Variants in CAPN9 observed in about 807,000 individuals in gnomAD.
The protein encoded by CAPN9 is calpain-9.
Under a neutral mutation model 92.8 loss-of-function variants are expected in CAPN9, and 81 were observed. The observed-to-expected ratio is 0.87, with a 90% CI of 0.73 to 1.05. The LOEUF (loss-of-function observed/expected upper bound fraction) is 1.05. CAPN9 is among the 50% of genes least tolerant of loss of function. CAPN9 has a pLI of 0.00. For missense variants in CAPN9, 848 were observed against 866.2 expected (o/e 0.98, Z 0.26); for synonymous variants, 304 against 328.0 (o/e 0.93, Z 0.79).
chr1:230,774,039 C>T (rs1409737872), intron 7 of CAPN9, among the ~76,000 whole-genome samples: 1 of 152,202 alleles, frequency 6.6e-6, no homozygotes, highest in African/African-American at 2.4e-5. Context: ...ACCTAGCTCA[C>T]AGAACCCCAC....
At chr1:230,792,262 CA>C (rs1434647114) in intron 15 of CAPN9, among the ~76,000 whole-genome samples, 163 bp from the exon 16 acceptor site, 7 of 152,300 alleles carry the variant, frequency 4.6e-5, no homozygotes, top group Non-Finnish European at 1.0e-4. Context: ...TTCCCCTCTT[CA>C]GAGATTTGTG....
At chr1:230,782,494 T>C (rs1667290755) in intron 11 of CAPN9, among the ~76,000 whole-genome samples, 2 of 152,206 alleles carry the variant, frequency 1.3e-5, no homozygotes, top group Non-Finnish European at 2.9e-5. Context: ...TTCTTCCAAA[T>C]GTTTTTAGCA....
intron 19 of CAPN9, among the ~76,000 whole-genome samples, chr1:230,800,258 GAAAGAAAGAA>G (rs1668613304): frequency 8.4e-6 from 1 of 119,364 alleles, no homozygotes; most frequent in African/African-American, 3.2e-5. Context: ...AAGAAAGAAA[GAAAGAAAGAA>G]AGAAAGAAAG....
At chr1:230,792,337 C>G (rs1668045358) in intron 15 of CAPN9, 89 bp from the exon 16 acceptor site, 2 of 1,104,452 alleles carry the variant, frequency 1.8e-6, no homozygotes, top group Non-Finnish European at 2.8e-6. Context: ...GCCCATCGGC[C>G]CTCCCCCTCT....
chr1:230,753,920 T>G (rs927125468), intron 1 of CAPN9, among the ~76,000 whole-genome samples: 9 of 146,038 alleles, frequency 6.2e-5, no homozygotes, highest in African/African-American at 2.3e-4. Context: ...CCCTGCTGAC[T>G]GCTGTAGCTA....
intron 17 of CAPN9, 32 bp downstream of exon 17, chr1:230,792,960 C>G (rs1211687641): frequency 6.5e-7 from 1 of 1,544,114 alleles, no homozygotes; most frequent in African/African-American, 1.4e-5. Context: ...AGGTGGCTGA[C>G]TGCATGCCAG....
chr1:230,756,032 G>A (rs902411024), intron 2 of CAPN9, among the ~76,000 whole-genome samples: 1 of 151,964 alleles, frequency 6.6e-6, no homozygotes, highest in Non-Finnish European at 1.5e-5. Context: ...CAACTGGGCT[G>A]GGTTTACCTT....
intron 19 of CAPN9, among the ~76,000 whole-genome samples, chr1:230,798,900 C>T (rs913075424): frequency 6.6e-6 from 1 of 152,210 alleles, no homozygotes; most frequent in Non-Finnish European, 1.5e-5. Flanking sequence ...CACAGGACCC[C>T]ACTGATTCCT....
chr1:230,792,072 C>CT, intron 15 of CAPN9, 144 bp downstream of exon 15: 1 of 690,158 alleles, frequency 1.4e-6, no homozygotes, highest in African/African-American at 1.8e-5. Flanking sequence ...TAACCCAAAG[C>CT]TGGGGGACCC....
intron 12 of CAPN9, chr1:230,786,256 A>G: frequency 4.9e-6 from 3 of 612,926 alleles, no homozygotes; most frequent in Non-Finnish European, 6.1e-6. Flanking sequence ...GTTCTGTTCG[A>G]TGTCATCTTC....
intron 17 of CAPN9, among the ~76,000 whole-genome samples, chr1:230,794,169 C>T (rs1668187813): frequency 6.6e-6 from 1 of 152,154 alleles, no homozygotes; most frequent in South Asian, 2.1e-4. Flanking sequence ...AAAGAAATCA[C>T]TTCTAAGGGC....
At chr1:230,769,773 C>T (rs1021419912) in intron 6 of CAPN9, among the ~76,000 whole-genome samples, 9 of 152,056 alleles carry the variant, frequency 5.9e-5, no homozygotes, top group African/African-American at 9.7e-5. Flanking sequence ...GCAAGACCAA[C>T]TCCTCCTCCT....
chr1:230,792,569 A>G, intron 16 of CAPN9, 75 bp downstream of exon 16: 2 of 1,153,976 alleles, frequency 1.7e-6, no homozygotes, highest in Non-Finnish European at 2.6e-6. Flanking sequence ...AAAATGGTGC[A>G]GCAGGCTGCA....
intron 9 of CAPN9, among the ~76,000 whole-genome samples, chr1:230,779,459 C>A (rs930544829): frequency 1.3e-5 from 2 of 152,072 alleles, no homozygotes; most frequent in East Asian, 3.9e-4. Context: ...TCTATCAGGG[C>A]CCTGGTTCCA....
At chr1:230,800,218 AATAAGAAAGAAAGAAG>A (rs1290490505) in intron 19 of CAPN9, among the ~76,000 whole-genome samples, 2 of 127,602 alleles carry the variant, frequency 1.6e-5, no homozygotes, top group African/African-American at 6.3e-5. Flanking sequence ...AAGAAAGAAA[AATAAGAAAGAAAGAAG>A]AAAGAAAGAA....
intron 11 of CAPN9, among the ~76,000 whole-genome samples, chr1:230,783,243 G>C (rs1196958053): frequency 6.6e-6 from 1 of 152,184 alleles, no homozygotes; most frequent in East Asian, 1.9e-4. Flanking sequence ...CCTTGTTAAA[G>C]TACATTAAAG....
chr1:230,797,227 G>A (rs920933933), intron 18 of CAPN9, among the ~76,000 whole-genome samples: 1 of 152,082 alleles, frequency 6.6e-6, no homozygotes, highest in Non-Finnish European at 1.5e-5. Context: ...TTACCATCTT[G>A]CTAACTTTTC....
At chr1:230,764,773 T>C (rs946876038) in intron 4 of CAPN9, among the ~76,000 whole-genome samples, 2 of 152,194 alleles carry the variant, frequency 1.3e-5, no homozygotes, top group African/African-American at 4.8e-5. Flanking sequence ...TTTCTCACTG[T>C]TGGATTGAGA....
Position 230,762,766 on chromosome 1 carries a change from G to C in CAPN9, c.516G>C (p.Leu172Phe), listed in dbSNP as rs780887105. ...ACCACAACGAGTTCTGGAGCGCCTT[G>C]CTGGAAAAAGCCTACGCCAAGTGAG... ...SADHNEFWSA[L>F]LEKAYAKLNG... Residue 172 changes from leucine to phenylalanine, a missense_variant, in exon 4 of 20, where the codon TTG (leucine) becomes TTC (phenylalanine). By Grantham distance (22) the Leu-to-Phe change is conservative. Coordinates refer to ENST00000271971, the MANE Select transcript of CAPN9 (RefSeq NM_006615.3). The C allele has an allele frequency of 2.2e-5, 36 of 1,613,940 alleles. No homozygotes were observed. In the Admixed American group the frequency reaches 5.7e-4, roughly 25 times the overall value.
Sources: allele counts gnomAD v4.1 joint callset (sites outside exome capture counted in the v4.1 genomes callset), GRCh38; gene constraint gnomAD v4.1.1; transcripts MANE v1.5; gene names NCBI Gene and HGNC (gene_info 2026-07-23, HGNC 2026-07-21).